HEATR1: variants seen among roughly 807,000 people sequenced by gnomAD.
HEATR1 encodes HEAT repeat containing 1.
A neutral mutation model predicts 248.2 loss-of-function variants in HEATR1; 77 were observed. The ratio of observed to expected loss-of-function variants is 0.31; its 90% CI spans 0.26 to 0.37. The LOEUF (loss-of-function observed/expected upper bound fraction) is 0.37, where lower values mean the gene tolerates loss of function less well. Among genes scored for constraint, HEATR1 ranks in the 10% least tolerant of loss-of-function variants. HEATR1 has a pLI of 1.00. For synonymous variants in HEATR1, 897 were observed against 923.1 expected (o/e 0.97, Z 0.51); for missense variants, 2,420 against 2,504.9 (o/e 0.97, Z 0.72).
At chr1:236,588,342 T>C (rs1353791822) in intron 12 of HEATR1, among the ~76,000 whole-genome samples, 1 of 152,240 alleles carries the variant, frequency 6.6e-6, no homozygotes, top group Non-Finnish European at 1.5e-5. Context: ...AGAGCCCAGA[T>C]ATTGACGGGA....
chr1:236,562,022 C>A (rs1411266393), intron 32 of HEATR1, among the ~76,000 whole-genome samples: 1 of 152,186 alleles, frequency 6.6e-6, no homozygotes, highest in East Asian at 1.9e-4. Context: ...TGGGATCCTG[C>A]CAATTGCTTT....
Position 236,550,515 on chromosome 1 carries a change from G to T in HEATR1, c.*387C>A. On this transcript the variant is annotated 3_prime_UTR_variant, in exon 45 of 45. Transcript: ENST00000366582. ...CAACTTTGAGTGAAATCTGCAACAT[G>T]GATACCATGTATGTAAGATACTGCT... The T allele has an allele frequency of 6.0e-6, 1 of 168,026 alleles. No homozygotes were observed. Among genetic ancestry groups the T allele is most frequent in the Non-Finnish European group, 1.3e-5 (1 of 79,058 alleles). The allele number at this position is 168,026 out of a possible 1,614,324, so 10.4% of individuals were successfully genotyped here. A position where few individuals can be genotyped will look rare whatever the true frequency, so the allele number is the denominator to read the frequency against.
At chr1:236,588,219 GA>G (rs34200005) in intron 12 of HEATR1, among the ~76,000 whole-genome samples, 176 bp from the exon 13 acceptor site, 80,810 of 151,990 alleles carry the variant, frequency 0.53, 23,503 homozygotes, top group Non-Finnish European at 0.65. Flanking sequence ...AGGGCCTTTT[GA>G]GATTAATAAT....
At position 236,555,929 on chromosome 1, in the gene HEATR1, C is replaced by T. The variant is rs768488556; in HGVS notation, c.5525G>A (p.Gly1842Asp). Reference sequence around the variant, plus strand: ...CTCTTGCAAGATGCTCATAAACGGACCCATGTGATTCTACCAATAACACAG... The same window carrying T: ...CTCTTGCAAGATGCTCATAAACGGATCCATGTGATTCTACCAATAACACAG... ...QIEKNWKNHM[G>D]PFMSILQEHI... The change falls in exon 39 of 45, where the codon GGT becomes GAT. Residue 1842 changes from glycine (G) to aspartate (D), a missense_variant. Gly to Asp is a moderately conservative substitution (Grantham distance 94). Coordinates refer to ENST00000366582, the MANE Select transcript of HEATR1 (RefSeq NM_018072.6). 44 of 1,613,532 alleles carry T rather than the reference C, an allele frequency of 2.7e-5. No homozygotes were observed. The highest frequency in any genetic ancestry group is 3.6e-5 in the Non-Finnish European group (42 of 1,179,434).
intron 13 of HEATR1, 47 bp downstream of exon 13, chr1:236,587,901 G>A: frequency 7.3e-7 from 1 of 1,370,756 alleles, no homozygotes; most frequent in Non-Finnish European, 1.0e-6. Context: ...AGAAGGGCAA[G>A]GAAATTTACA....
At chr1:236,577,515 T>A (rs1663596805) in intron 20 of HEATR1, among the ~76,000 whole-genome samples, 1 of 148,560 alleles carries the variant, frequency 6.7e-6, no homozygotes, top group Admixed American at 6.8e-5. Flanking sequence ...TCAGATGGAG[T>A]TTTCCTCTTG....
intron 29 of HEATR1, among the ~76,000 whole-genome samples, chr1:236,567,189 C>G (rs1234543749): frequency 6.6e-6 from 1 of 152,022 alleles, no homozygotes; most frequent in East Asian, 1.9e-4. Context: ...CTATGTTGAC[C>G]GGGCTGTTCT....
At chr1:236,598,436 TTAAA>T (rs1664232186) in intron 4 of HEATR1, among the ~76,000 whole-genome samples, 1 of 152,136 alleles carries the variant, frequency 6.6e-6, no homozygotes, top group African/African-American at 2.4e-5. Context: ...TAAATACTGA[TTAAA>T]TAAATGAAAG....
intron 16 of HEATR1, 140 bp downstream of exon 16, chr1:236,585,680 C>T: frequency 1.5e-6 from 1 of 666,240 alleles, no homozygotes; most frequent in Non-Finnish European, 2.5e-6. Flanking sequence ...TATTAAACAA[C>T]ACTGCAACGT....
intron 22 of HEATR1, among the ~76,000 whole-genome samples, chr1:236,575,943 G>A (rs956317210): frequency 1.3e-5 from 2 of 152,136 alleles, no homozygotes; most frequent in African/African-American, 2.4e-5. Context: ...AGCCCCATGA[G>A]ACACGAGACT....
At chr1:236,561,318 TAA>T (rs761267917) in intron 32 of HEATR1, 47 bp from the exon 33 acceptor site, 4 of 1,444,996 alleles carry the variant, frequency 2.8e-6, no homozygotes, top group Non-Finnish European at 3.9e-6. Context: ...AAGTCAATAA[TAA>T]AAGTCATTTC....
rs76792063 is a variant in HEATR1, at chr1:236,549,437, C to T, written c.*1465G>A. The stretch of plus-strand genomic sequence containing the variant: ...ATCATTTTATCACATTAGACTGGGG[C>T]AGAACTCTGCCAGGATTTAGGAATA... On this transcript the variant is annotated 3_prime_UTR_variant, in exon 45 of 45. Coordinates refer to ENST00000366582, the MANE Select transcript of HEATR1 (RefSeq NM_018072.6). 0.025 allele frequency: 3,918 copies of T among 156,032 alleles called. 137 individuals carry two copies. The highest frequency in any genetic ancestry group is 0.14 in the East Asian group (775 of 5,346). 9.7% of individuals were successfully genotyped at this position (156,032 alleles called of 1,614,324 possible).
chr1:236,550,919 G>A lies in HEATR1; in HGVS notation c.6418C>T (p.Leu2140Phe), dbSNP rs746378086. The change falls in exon 45 of 45, where the codon CTC becomes TTC. Residue 2140 changes from leucine (L) to phenylalanine (F), a missense_variant. By Grantham distance (22) the Leu-to-Phe change is conservative. Coordinates refer to ENST00000366582, the MANE Select transcript of HEATR1 (RefSeq NM_018072.6). Reference sequence around the variant, plus strand: ...AGAAAGTCTTAGAAATAGCTCTGGAGTGGCTCTCCCAGGACAGTTTCCAGT... The same window carrying A: ...AGAAAGTCTTAGAAATAGCTCTGGAATGGCTCTCCCAGGACAGTTTCCAGT... ...QQLETVLGEP[L>F]QSYF 2 of 1,606,434 alleles carry A rather than the reference G, an allele frequency of 1.2e-6. No homozygotes were observed. The highest frequency in any genetic ancestry group is 2.7e-5 in the African/African-American group (2 of 74,134).
Position 236,559,131 on chromosome 1 carries a change from T to C in HEATR1, c.4775A>G (p.Asn1592Ser), listed in dbSNP as rs141660503. 2.4e-5 allele frequency: 38 copies of C among 1,570,562 alleles called. No homozygotes were observed. The African/African-American group carries it at 4.8e-4, about 20-fold the overall frequency. The change falls in exon 35 of 45, where the codon AAT becomes AGT. Residue 1592 changes from asparagine to serine, a missense_variant. Coordinates refer to ENST00000366582, the MANE Select transcript of HEATR1 (RefSeq NM_018072.6). ...SKAYDLLDKV[N>S]ALLPTETFIP... is the part of the protein sequence containing the mutation. ...GAATGTCTCTGTGGGCAGCAAGGCA[T>C]TGACCTAAAGAGAAATTTTATATTT...
At position 236,576,962 on chromosome 1, in the gene HEATR1, GA is replaced by G. The variant is rs754004346; in HGVS notation, c.2756-14del. 105 of 1,521,254 alleles carry G rather than the reference GA, an allele frequency of 6.9e-5. No individual in the cohort carries two copies. The highest frequency in any genetic ancestry group is 4.0e-4 in the African/African-American group (28 of 70,748). The allele number at this position is 1,521,254 out of a possible 1,614,324, so 94.2% of individuals were successfully genotyped here. On this transcript the variant is annotated splice_polypyrimidine_tract_variant and intron_variant, in intron 20 of 44. Coordinates refer to ENST00000366582, the MANE Select transcript of HEATR1 (RefSeq NM_018072.6). ...AAAGATGTCACCACTAAAATCAAAG[GA>G]AAAAAAAATTTAAGAAACAATTTTA...
chr1:236,598,110 G>A (rs1236567400), intron 4 of HEATR1, 131 bp from the exon 5 acceptor site: 1 of 540,234 alleles, frequency 1.9e-6, no homozygotes, highest in African/African-American at 1.9e-5. Flanking sequence ...CCTTATAACT[G>A]GTGGTGGTGA....
At chr1:236,584,301 G>C (rs1302575879) in intron 17 of HEATR1, among the ~76,000 whole-genome samples, 1 of 151,694 alleles carries the variant, frequency 6.6e-6, no homozygotes, top group Non-Finnish European at 1.5e-5. Flanking sequence ...AGTTAAGAAG[G>C]GCCTATCTGG....
chr1:236,554,527 C>T (rs1662884874), intron 42 of HEATR1, 71 bp downstream of exon 42: 2 of 1,340,240 alleles, frequency 1.5e-6, no homozygotes, highest in East Asian at 2.5e-5. Context: ...GTCATTTGAG[C>T]AGATCTAAAA....
chr1:236,576,999 CAG>C, intron 20 of HEATR1, 50 bp from the exon 21 acceptor site: 1 of 1,444,652 alleles, frequency 6.9e-7, no homozygotes, highest in Non-Finnish European at 9.3e-7. Flanking sequence ...AAAACTGAAA[CAG>C]TACAAAATTT....
Sources: gnomAD v4.1 joint callset for allele counts (sites outside exome capture counted in the v4.1 genomes callset) on GRCh38, gnomAD v4.1.1 for gene constraint, MANE v1.5 for transcripts, NCBI Gene and HGNC (gene_info 2026-07-23, HGNC 2026-07-21) for gene names.